The following COL4A4 variants were observed in gnomAD, a reference collection of about 807,000 sequenced individuals.
COL4A4 encodes the protein collagen alpha-4(IV) chain.
A neutral mutation model predicts 192.9 loss-of-function variants in COL4A4; 105 were observed. That is an observed-to-expected ratio of 0.54 (90% confidence interval 0.46 to 0.64). The LOEUF is 0.64. Ranked by LOEUF, COL4A4 falls within the 30% of genes least tolerant of loss-of-function variation. The probability of loss-of-function intolerance (pLI) is 0.00; values close to 1 mark genes in which losing one functional copy is unlikely to be tolerated. For missense variants in COL4A4, 1,967 were observed against 2,169.3 expected (o/e 0.91, Z 1.85); for synonymous variants, 762 against 769.9 (o/e 0.99, Z 0.17).
the COL4A4 span, among the ~76,000 whole-genome samples, chr2:226,979,477 G>A: frequency 6.6e-6 from 1 of 152,066 alleles, no homozygotes; most frequent in African/African-American, 2.4e-5. Flanking sequence ...GGAACTTCCC[G>A]AGACCCCACC....
At chr2:227,109,048 G>A (rs1450479450) in intron 10 of COL4A4, 176 bp downstream of exon 10, 23 of 877,950 alleles carry the variant, frequency 2.6e-5, no homozygotes, top group Middle Eastern at 2.1e-4. Flanking sequence ...TGGCTCATCC[G>A]CAGGGACCTG....
rs140253552 is a variant in COL4A4 at position 227,052,279 on chromosome 2, A to T, written c.2968+26T>A. On this transcript the variant is annotated intron_variant, in intron 32 of 47. Coordinates refer to ENST00000396625, the MANE Select transcript of COL4A4 (RefSeq NM_000092.5). ...CTGTAAAAATGTCAACTTATTTGAT[A>T]TGGTTAAAAACTCTTAAGTGTTTAC... 1,325 of 1,301,686 alleles carry T rather than the reference A, an allele frequency of 1.0e-3. 11 individuals are homozygous for T. The African/African-American group carries it at 0.013, about 13-fold the overall frequency. The allele number at this position is 1,301,686 out of a possible 1,614,324, so 80.6% of individuals were successfully genotyped here. A position where few individuals can be genotyped will look rare whatever the true frequency, so the allele number is the denominator to read the frequency against.
At chr2:227,050,551 T>C (rs1250921071) in intron 33 of COL4A4, among the ~76,000 whole-genome samples, 1 of 152,254 alleles carries the variant, frequency 6.6e-6, no homozygotes, top group African/African-American at 2.4e-5. Flanking sequence ...CTACATGTAT[T>C]GTACCTCCTG....
chr2:226,980,911 A>AT, the COL4A4 span, among the ~76,000 whole-genome samples: 2 of 152,210 alleles, frequency 1.3e-5, no homozygotes, highest in East Asian at 1.9e-4. Flanking sequence ...GGAATAACTC[A>AT]TTTTTTGTTG....
chr2:227,115,904 A>G (rs2061467299), intron 7 of COL4A4, among the ~76,000 whole-genome samples: 1 of 152,232 alleles, frequency 6.6e-6, no homozygotes, highest in Non-Finnish European at 1.5e-5. Flanking sequence ...GTACTTGCAT[A>G]ACGTACAAAC....
At chr2:227,115,429 C>T (rs2061441072) in intron 7 of COL4A4, among the ~76,000 whole-genome samples, 1 of 151,214 alleles carries the variant, frequency 6.6e-6, no homozygotes, top group South Asian at 2.1e-4. Flanking sequence ...CACCACCGTG[C>T]CTGGCTAATT....
chr2:227,092,251 A>T (rs964157855), intron 20 of COL4A4, among the ~76,000 whole-genome samples: 2 of 152,286 alleles, frequency 1.3e-5, no homozygotes, highest in Middle Eastern at 3.4e-3. Context: ...CCAAACTAGA[A>T]ATCAAAGTCC....
rs1306920034 is a variant in COL4A4 at position 227,006,328 on chromosome 2, C to G, written c.*997G>C. 6.6e-6 allele frequency: 1 copy of G among 152,650 alleles called. No homozygotes were observed. The highest frequency in any genetic ancestry group is 2.4e-5 in the African/African-American group (1 of 41,446). 9.5% of individuals were successfully genotyped at this position (152,650 alleles called of 1,614,324 possible). A position where few individuals can be genotyped will look rare whatever the true frequency, so the allele number is the denominator to read the frequency against. On this transcript the variant is annotated 3_prime_UTR_variant, in exon 48 of 48. Coordinates refer to ENST00000396625, the MANE Select transcript of COL4A4 (RefSeq NM_000092.5). ...GTGAGTGCAAGAAGCTGTGCAGGCTCTCCTGGGGAGGGGAGTGAGATGCTT... is the reference window on the plus strand; with the variant it reads ...GTGAGTGCAAGAAGCTGTGCAGGCTGTCCTGGGGAGGGGAGTGAGATGCTT...
chr2:227,133,354 A>C (rs765762182), intron 4 of COL4A4, among the ~76,000 whole-genome samples: 4 of 152,228 alleles, frequency 2.6e-5, no homozygotes. Context: ...TAGGTAATAC[A>C]TTCTACAGTG....
At chr2:227,010,200 G>T in intron 46 of COL4A4, 113 bp downstream of exon 46, 1 of 1,138,148 alleles carries the variant, frequency 8.8e-7, no homozygotes. Context: ...TGTTTTAAAA[G>T]TAAGAATAAT....
rs576055753 is a variant in COL4A4 at position 227,033,550 on chromosome 2, C to G, written c.3506-69G>C. ...CCGGTACTCACTCTAGCCACAAACG[C>G]AGGCACTGCCCAGCAGAGGGCGCGT... is the stretch of plus-strand genomic sequence containing the variant. On this transcript the variant is annotated intron_variant, in intron 37 of 47. Coordinates refer to ENST00000396625, the MANE Select transcript of COL4A4 (RefSeq NM_000092.5). The G allele has an allele frequency of 1.1e-3, 1,478 of 1,377,028 alleles. 4 individuals carry two copies. Among genetic ancestry groups the G allele is most frequent in the Non-Finnish European group, 1.4e-3 (1,364 of 974,722 alleles). 85.3% of individuals were successfully genotyped at this position (1,377,028 alleles called of 1,614,324 possible).
chr2:227,146,425 A>C (rs1464687342), intron 2 of COL4A4, among the ~76,000 whole-genome samples: 1 of 151,886 alleles, frequency 6.6e-6, no homozygotes, highest in African/African-American at 2.4e-5. Context: ...CTTGTTCATT[A>C]TCCTCAGAAC....
the COL4A4 span, chr2:226,996,986 T>A: frequency 6.6e-6 from 1 of 152,212 alleles, no homozygotes; most frequent in African/African-American, 2.4e-5. Flanking sequence ...TGGTATTGTC[T>A]TATCAATTTT....
At chr2:227,135,293 A>G (rs538722405) in intron 4 of COL4A4, among the ~76,000 whole-genome samples, 38 of 152,226 alleles carry the variant, frequency 2.5e-4, no homozygotes, top group Admixed American at 2.0e-4. Flanking sequence ...CTGAACCCGA[A>G]AAAGATCAAG....
intron 1 of COL4A4, among the ~76,000 whole-genome samples, chr2:227,159,493 A>G (rs982373700): frequency 2.0e-5 from 3 of 152,202 alleles, no homozygotes; most frequent in Non-Finnish European, 4.4e-5. Context: ...CTCAAGAAAT[A>G]TACTTTTTAG....
intron 22 of COL4A4, 23 bp downstream of exon 22, chr2:227,088,630 G>A: frequency 6.2e-7 from 1 of 1,613,814 alleles, no homozygotes; most frequent in African/African-American, 1.3e-5. Context: ...TAACTGGAAA[G>A]ATGACTGGTA....
At chr2:226,981,148 A>G in the COL4A4 span, among the ~76,000 whole-genome samples, 3 of 152,282 alleles carry the variant, frequency 2.0e-5, no homozygotes, top group East Asian at 5.8e-4. Flanking sequence ...GTTCTCACTC[A>G]TAGGTGGAAA....
At chr2:227,098,152 T>C (rs2060305424) in intron 19 of COL4A4, among the ~76,000 whole-genome samples, 1 of 152,198 alleles carries the variant, frequency 6.6e-6, no homozygotes, top group African/African-American at 2.4e-5. Context: ...GAATGAAAGT[T>C]TTTTTAATCA....
intron 42 of COL4A4, among the ~76,000 whole-genome samples, chr2:227,026,824 GA>G (rs904114703): frequency 6.6e-6 from 1 of 151,880 alleles, no homozygotes; most frequent in South Asian, 2.1e-4. Flanking sequence ...GGAATTTACA[GA>G]AAAAAAATTA....
Sources: gnomAD v4.1 joint callset for allele counts (sites outside exome capture counted in the v4.1 genomes callset) on GRCh38, gnomAD v4.1.1 for gene constraint, MANE v1.5 for transcripts, NCBI Gene and HGNC (gene_info 2026-07-23, HGNC 2026-07-21) for gene names.